Variants in CRPPA observed in about 807,000 individuals in gnomAD.
The protein encoded by CRPPA is CDP-L-ribitol pyrophosphorylase A, also known as D-ribitol-5-phosphate cytidylyltransferase.
A neutral mutation model predicts 52.0 loss-of-function variants in CRPPA; 43 were observed. The observed-to-expected ratio is 0.83, with a 90% confidence interval of 0.65 to 1.07. CRPPA has a LOEUF of 1.07. CRPPA is among the 50% of genes least tolerant of loss of function. The pLI is 0.00. For synonymous variants in CRPPA, 250 were observed against 203.5 expected (o/e 1.23, Z -1.94); for missense variants, 629 against 551.7 (o/e 1.14, Z -1.40).
At chr7:16,190,746 A>T (rs773805394) in intron 9 of CRPPA, among the ~76,000 whole-genome samples, 6 of 152,204 alleles carry the variant, frequency 3.9e-5, no homozygotes, top group Admixed American at 2.0e-4. Flanking sequence ...TCCAATGCGT[A>T]GTCTTTTATC....
At position 16,401,544 on chromosome 7, in the gene CRPPA, T is replaced by C. The variant is rs76234928; in HGVS notation, c.534+4517A>G. Among the ~76,000 whole-genome samples, 122 of 152,340 alleles carry C rather than the reference T, an allele frequency of 8.0e-4. No homozygotes were observed. The East Asian group carries it at 0.015, about 19-fold the overall frequency. On this transcript the variant is annotated intron_variant, in intron 2 of 9. Transcript: ENST00000407010. ...TACCAGTAACTTAGAAAATGCCTTCTTCCACCAGGAGCAATACTTAGGAGG... is the reference window on the plus strand; with the variant it reads ...TACCAGTAACTTAGAAAATGCCTTCCTCCACCAGGAGCAATACTTAGGAGG...
chr7:16,360,437 G>T (rs1786414346), intron 3 of CRPPA, among the ~76,000 whole-genome samples: 1 of 152,108 alleles, frequency 6.6e-6, no homozygotes, highest in Non-Finnish European at 1.5e-5. Context: ...TACAAAGTTG[G>T]AGGTCTTATA....
At chr7:16,384,392 A>T (rs1276601761) in intron 2 of CRPPA, among the ~76,000 whole-genome samples, 1 of 152,246 alleles carries the variant, frequency 6.6e-6, no homozygotes, top group East Asian at 1.9e-4. Flanking sequence ...AGTGAAAGCC[A>T]CGGGAAAACA....
At chr7:16,243,601 T>G (rs1172355657) in intron 8 of CRPPA, among the ~76,000 whole-genome samples, 1 of 152,078 alleles carries the variant, frequency 6.6e-6, no homozygotes, top group Admixed American at 6.6e-5. Context: ...CCAAAAATAT[T>G]TCTAATATCA....
At chr7:16,326,755 C>T (rs1785401555) in intron 3 of CRPPA, among the ~76,000 whole-genome samples, 1 of 152,148 alleles carries the variant, frequency 6.6e-6, no homozygotes. Flanking sequence ...TGAAAGATCT[C>T]AGGATGATTA....
intron 9 of CRPPA, among the ~76,000 whole-genome samples, chr7:16,148,605 G>A (rs1046184761): frequency 2.6e-5 from 4 of 152,042 alleles, no homozygotes; most frequent in African/African-American, 4.8e-5. Flanking sequence ...ATAACAAGTA[G>A]AGAGTGGAAT....
intron 9 of CRPPA, among the ~76,000 whole-genome samples, chr7:16,211,607 A>G (rs771997729): frequency 2.0e-5 from 3 of 152,220 alleles, no homozygotes; most frequent in Non-Finnish European, 2.9e-5. Context: ...GCTAACCGAC[A>G]GCATACACCC....
At chr7:16,398,613 AC>A (rs1456600861) in intron 2 of CRPPA, among the ~76,000 whole-genome samples, 1 of 152,120 alleles carries the variant, frequency 6.6e-6, no homozygotes, top group Non-Finnish European at 1.5e-5. Context: ...CATGATTGAC[AC>A]ATCACCAACA....
intron 2 of CRPPA, among the ~76,000 whole-genome samples, chr7:16,388,843 T>C (rs1787364391): frequency 6.6e-6 from 1 of 151,894 alleles, no homozygotes; most frequent in African/African-American, 2.4e-5. Context: ...GCCACTGCAC[T>C]CCAGCCTGGG....
intron 9 of CRPPA, among the ~76,000 whole-genome samples, chr7:16,153,301 C>T (rs1413878870): frequency 1.3e-5 from 2 of 152,020 alleles, no homozygotes; most frequent in Non-Finnish European, 2.9e-5. Context: ...AAACCACAAT[C>T]TGTGAGCAAA....
chr7:16,221,565 C>A (rs1053861272), intron 8 of CRPPA, among the ~76,000 whole-genome samples: 2 of 151,994 alleles, frequency 1.3e-5, no homozygotes, highest in Admixed American at 1.3e-4. Flanking sequence ...GGGCTAATAT[C>A]CAGAATCTAC....
intron 9 of CRPPA, among the ~76,000 whole-genome samples, chr7:16,122,236 T>C (rs1156576439): frequency 6.6e-6 from 1 of 152,068 alleles, no homozygotes; most frequent in Non-Finnish European, 1.5e-5. Context: ...TTCCTTTTAA[T>C]TGTTTATTCA....
intron 2 of CRPPA, among the ~76,000 whole-genome samples, chr7:16,401,547 C>T (rs1787818037): frequency 1.3e-5 from 2 of 152,106 alleles, no homozygotes; most frequent in South Asian, 2.1e-4. Context: ...TGCCTTCTTC[C>T]ACCAGGAGCA....
chr7:16,175,185 A>T (rs1341612263), intron 9 of CRPPA, among the ~76,000 whole-genome samples: 3 of 152,216 alleles, frequency 2.0e-5, no homozygotes, highest in Non-Finnish European at 4.4e-5. Flanking sequence ...GACAAATTTG[A>T]AAGTATGCTG....
chr7:16,242,551 C>A (rs1783146878), intron 8 of CRPPA, among the ~76,000 whole-genome samples: 1 of 152,126 alleles, frequency 6.6e-6, no homozygotes, highest in Admixed American at 6.5e-5. Context: ...AGAAGGCTAA[C>A]AATAACTTCA....
At chr7:16,325,143 T>G (rs943208564) in intron 3 of CRPPA, among the ~76,000 whole-genome samples, 3 of 152,158 alleles carry the variant, frequency 2.0e-5, no homozygotes, top group Non-Finnish European at 2.9e-5. Context: ...GATGAACTGG[T>G]TGGCAAAGAT....
At chr7:16,418,817 G>A (rs1286786896) in intron 1 of CRPPA, among the ~76,000 whole-genome samples, 2 of 152,140 alleles carry the variant, frequency 1.3e-5, no homozygotes. Flanking sequence ...TGGAGACACA[G>A]CCAAACCATA....
Position 16,258,957 on chromosome 7 carries a change from AT to A in CRPPA, c.988del (p.Ile330SerfsTer3). ...AAAATTGTAGCATTGATCTAAGATG[AT>A]TTGCTGAAGATGTCTGCCAGCATGA... Reference protein sequence around the residue: ...LGHAGRHLQQIILDQCYNFVC... With the variant: ...LGHAGRHLQQXILDQCYNFVC... On this transcript the variant is annotated frameshift_variant, in exon 7 of 10. Coordinates refer to ENST00000407010, the MANE Select transcript of CRPPA (RefSeq NM_001101426.4). LOFTEE classifies it high-confidence loss of function. The A allele has an allele frequency of 6.2e-7, 1 of 1,611,288 alleles. No individual in the cohort carries two copies. The highest frequency in any genetic ancestry group is 8.5e-7 in the Non-Finnish European group (1 of 1,178,410).
intron 3 of CRPPA, among the ~76,000 whole-genome samples, chr7:16,321,770 T>C (rs1191088263): frequency 3.9e-5 from 6 of 152,130 alleles, no homozygotes; most frequent in Non-Finnish European, 1.5e-5. Context: ...GTTAAAAATA[T>C]ATGCCCAGTA....
Sources: gnomAD v4.1 joint callset for allele counts (sites outside exome capture counted in the v4.1 genomes callset) on GRCh38, gnomAD v4.1.1 for gene constraint, MANE v1.5 for transcripts, NCBI Gene and HGNC (gene_info 2026-07-23, HGNC 2026-07-21) for gene names.